Variants in TMEM272 observed in about 807,000 individuals in gnomAD.
The protein encoded by TMEM272 is transmembrane protein 272.
In TMEM272, 8 loss-of-function variants were observed where a neutral mutation model predicts 3.7. The observed-to-expected ratio is 2.17, with a 90% CI of 1.27 to 3.91. The LOEUF (loss-of-function observed/expected upper bound fraction) is 3.91, where lower values mean the gene tolerates loss of function less well. Among genes scored for constraint, TMEM272 ranks in the 30% most tolerant of loss-of-function variants. The pLI is 0.00. For missense variants in TMEM272, 166 were observed against 91.5 expected (o/e 1.81, Z -3.32); for synonymous variants, 63 against 39.8 (o/e 1.58, Z -2.20).
At chr13:51,829,607 C>T (rs1055106783) in intron 2 of TMEM272, among the ~76,000 whole-genome samples, 1 of 152,120 alleles carries the variant, frequency 6.6e-6, no homozygotes, top group Admixed American at 6.5e-5. Context: ...GCATTTTTGA[C>T]CTTGGAGCTT....
At chr13:51,906,198 C>T in the TMEM272 span, among the ~76,000 whole-genome samples, 16 of 152,318 alleles carry the variant, frequency 1.1e-4, no homozygotes, top group African/African-American at 3.8e-4. Flanking sequence ...ACTTAGCCCG[C>T]TAAGGGGACT....
At chr13:51,847,387 A>G (rs1956312502), upstream of TMEM272, among the ~76,000 whole-genome samples, 1 of 152,176 alleles carries the variant, frequency 6.6e-6, no homozygotes, top group Admixed American at 6.5e-5. Context: ...CACACTCCTT[A>G]TGAGAATCTA....
Position 51,841,537 on chromosome 13 carries a change from C to T in TMEM272, c.-23-2984G>A, listed in dbSNP as rs138983516. ...GGCCATTCCCTGGGGTAAGAGGTCA[C>T]GCTTTAATCTCCTGTGAATCCTGAA... is the stretch of plus-strand genomic sequence containing the variant. On this transcript the variant is annotated intron_variant, in intron 1 of 4. Transcript: ENST00000629372. Among the ~76,000 whole-genome samples, 351 of 152,294 alleles carry T rather than the reference C, an allele frequency of 2.3e-3. 1 individual carries two copies. The highest frequency in any genetic ancestry group is 4.3e-3 in the African/African-American group (180 of 41,560).
chr13:51,901,504 T>C, the TMEM272 span, among the ~76,000 whole-genome samples: 1 of 140,636 alleles, frequency 7.1e-6, no homozygotes, highest in Non-Finnish European at 1.5e-5. Flanking sequence ...GAAATTCATA[T>C]AGCCAAGGAA....
the TMEM272 span, among the ~76,000 whole-genome samples, chr13:51,863,196 G>A: frequency 6.6e-6 from 1 of 152,222 alleles, no homozygotes; most frequent in East Asian, 1.9e-4. Context: ...CGTTAATACT[G>A]GGCCTTAGAT....
At chr13:51,891,676 C>A in the TMEM272 span, among the ~76,000 whole-genome samples, 1 of 152,104 alleles carries the variant, frequency 6.6e-6, no homozygotes, top group Non-Finnish European at 1.5e-5. Context: ...CGAAGGATTC[C>A]GCAGGGGTGG....
At chr13:51,896,693 G>C in the TMEM272 span, among the ~76,000 whole-genome samples, 2 of 152,210 alleles carry the variant, frequency 1.3e-5, no homozygotes, top group Non-Finnish European at 2.9e-5. Flanking sequence ...AGTGTCTCCA[G>C]AACCCGGCTG....
the TMEM272 span, among the ~76,000 whole-genome samples, chr13:51,897,856 G>A: frequency 6.7e-6 from 1 of 149,130 alleles, no homozygotes; most frequent in Non-Finnish European, 1.5e-5. Flanking sequence ...GAACCCAGGA[G>A]GCGGAGGTTG....
chr13:51,895,220 A>C, the TMEM272 span, among the ~76,000 whole-genome samples: 40 of 152,256 alleles, frequency 2.6e-4, no homozygotes, highest in African/African-American at 9.6e-4. Flanking sequence ...TTAAAGGAAA[A>C]AGGAACTTGG....
chr13:51,818,244 C>T (rs1315289076), intron 4 of TMEM272, among the ~76,000 whole-genome samples: 1 of 151,974 alleles, frequency 6.6e-6, no homozygotes, highest in Non-Finnish European at 1.5e-5. Context: ...CAAGCAGGAG[C>T]CAAGAGATGC....
intron 3 of TMEM272, among the ~76,000 whole-genome samples, chr13:51,824,617 T>C (rs1956107768): frequency 6.6e-6 from 1 of 152,234 alleles, no homozygotes; most frequent in Non-Finnish European, 1.5e-5. Context: ...GTCTCTTTTA[T>C]GCAGCCTTAT....
the TMEM272 span, among the ~76,000 whole-genome samples, chr13:51,925,745 G>C: frequency 6.6e-6 from 1 of 152,074 alleles, no homozygotes; most frequent in Non-Finnish European, 1.5e-5. Context: ...TACCCACCCA[G>C]GCCTCCACCT....
rs764580575 is a variant in TMEM272, at chr13:51,816,674, T to C, written c.*77A>G. 66 of 632,188 alleles carry C rather than the reference T, an allele frequency of 1.0e-4. No homozygotes were observed. The highest frequency in any genetic ancestry group is 9.6e-4 in the East Asian group (35 of 36,474). 39.2% of individuals were successfully genotyped at this position (632,188 alleles called of 1,614,324 possible). On this transcript the variant is annotated 3_prime_UTR_variant, in exon 5 of 5. Coordinates refer to ENST00000629372, the MANE Select transcript of TMEM272 (RefSeq NM_001351003.2). Reference sequence around the variant, plus strand: ...GAACCTGTGTGTGTGTGTGTGTGTGTGTGCGTCTGTGTGTCTGTGTGCACG... The same window carrying C: ...GAACCTGTGTGTGTGTGTGTGTGTGCGTGCGTCTGTGTGTCTGTGTGCACG...
chr13:51,857,432 C>T, the TMEM272 span, among the ~76,000 whole-genome samples: 29 of 152,006 alleles, frequency 1.9e-4, 1 homozygote, highest in Admixed American at 1.9e-3. Flanking sequence ...TGTATGTTGA[C>T]TAGCAAAATC....
At chr13:51,920,717 T>C in the TMEM272 span, among the ~76,000 whole-genome samples, 1 of 152,244 alleles carries the variant, frequency 6.6e-6, no homozygotes, top group Middle Eastern at 3.2e-3. Flanking sequence ...AGTGTCTTCA[T>C]GGCACTTTCC....
chr13:51,933,169 C>T, the TMEM272 span: 2 of 152,186 alleles, frequency 1.3e-5, no homozygotes, highest in Admixed American at 1.3e-4. Context: ...GAGGCAAGGA[C>T]CTTTTCCTCG....
At chr13:51,835,464 TCTG>T (rs1956208960) in intron 2 of TMEM272, among the ~76,000 whole-genome samples, 1 of 152,216 alleles carries the variant, frequency 6.6e-6, no homozygotes, top group Non-Finnish European at 1.5e-5. Context: ...GACGTCGTGA[TCTG>T]CTCGCCTCGG....
At chr13:51,870,189 C>G in the TMEM272 span, among the ~76,000 whole-genome samples, 1 of 152,276 alleles carries the variant, frequency 6.6e-6, no homozygotes, top group African/African-American at 2.4e-5. Flanking sequence ...GGATCTCACA[C>G]TCAAACAGCA....
In TMEM272 at chr13:51,843,187, T is replaced by A. The variant is rs924003381; in HGVS notation, c.-24+1829A>T. On this transcript the variant is annotated intron_variant, in intron 1 of 4. Transcript: ENST00000629372. ...TTTCTAGGCTTATTTCCCAGTTGTA[T>A]GTTCCCCCTTGTGATTTGGTTTTTA... Among the ~76,000 whole-genome samples the A allele has an allele frequency of 1.6e-4, 24 of 152,248 alleles. 1 individual carries two copies. Among genetic ancestry groups the A allele is most frequent in the African/African-American group, 5.5e-4 (23 of 41,470 alleles).
Sources: allele counts gnomAD v4.1 joint callset (sites outside exome capture counted in the v4.1 genomes callset), GRCh38; gene constraint gnomAD v4.1.1; transcripts MANE v1.5; gene names NCBI Gene and HGNC (gene_info 2026-07-23, HGNC 2026-07-21).